Variants in ERICH5 observed in about 807,000 individuals in gnomAD.
ERICH5 encodes glutamate rich 5, also known as glutamate-rich protein 5.
ERICH5 carries 24 observed loss-of-function variants against 28.0 expected under a neutral mutation model. That is an observed-to-expected ratio of 0.86 (90% CI 0.62 to 1.21). The LOEUF (loss-of-function observed/expected upper bound fraction) is 1.21. Among genes scored for constraint, ERICH5 ranks in the 50% most tolerant of loss-of-function variants. The pLI is 0.00. For missense variants in ERICH5, 421 were observed against 441.2 expected, an observed-to-expected ratio of 0.95 and a Z score of 0.41; for synonymous variants, 163 against 157.6, an observed-to-expected ratio of 1.03 and a Z score of -0.25.
In ERICH5 at chr8:98,089,290, A is replaced by C; in HGVS notation, c.273A>C (p.Gly91=). ...EQPLAKDVAP[G]RDATDQSGST... ...CCCTGGCCAAGGACGTAGCCCCTGG[A>C]AGGGATGCCACAGACCAATCAGGGT... The change falls in exon 2 of 3, where the codon GGA becomes GGC. Residue 91 remains glycine, a synonymous_variant. Coordinates refer to ENST00000318528, the MANE Select transcript of ERICH5 (RefSeq NM_173549.3). 6.2e-7 allele frequency: 1 copy of C among 1,614,212 alleles called. No individual in the cohort carries two copies. Among genetic ancestry groups the C allele is most frequent in the Non-Finnish European group, 8.5e-7 (1 of 1,180,034 alleles).
chr8:98,075,710 T>C (rs1346545128), intron 1 of ERICH5, among the ~76,000 whole-genome samples: 2 of 151,452 alleles, frequency 1.3e-5, no homozygotes, highest in African/African-American at 2.4e-5. Flanking sequence ...ATAGGACTGC[T>C]CTGTTGTAAA....
At chr8:98,088,475 A>C (rs763256534) in intron 1 of ERICH5, among the ~76,000 whole-genome samples, 1 of 152,100 alleles carries the variant, frequency 6.6e-6, no homozygotes, top group African/African-American at 2.4e-5. Flanking sequence ...GTGCCCCCCA[A>C]ATGACATGAA....
intron 1 of ERICH5, among the ~76,000 whole-genome samples, chr8:98,077,893 A>C (rs1192645953): frequency 6.6e-6 from 1 of 152,114 alleles, no homozygotes; most frequent in Non-Finnish European, 1.5e-5. Flanking sequence ...CTATATTTAA[A>C]TTTCAACATT....
chr8:98,072,744 G>A (rs1814940764), intron 1 of ERICH5, among the ~76,000 whole-genome samples: 1 of 152,194 alleles, frequency 6.6e-6, no homozygotes, highest in Non-Finnish European at 1.5e-5. Context: ...GATAACATCT[G>A]CCTTCAGCCA....
chr8:98,078,551 G>C (rs1815102736), intron 1 of ERICH5, among the ~76,000 whole-genome samples: 1 of 152,120 alleles, frequency 6.6e-6, no homozygotes, highest in African/African-American at 2.4e-5. Context: ...TTCCGATTAG[G>C]GTAATGAACT....
chr8:98,087,622 C>G (rs1428677064), intron 1 of ERICH5, among the ~76,000 whole-genome samples: 1 of 151,836 alleles, frequency 6.6e-6, no homozygotes, highest in Admixed American at 6.6e-5. Context: ...GCCCTCCCTC[C>G]CCTCCCTGCC....
In ERICH5 at chr8:98,073,403, C is replaced by CCTCT. The variant is rs372150799; in HGVS notation, c.58+8703_58+8706dup. Among the ~76,000 whole-genome samples the CCTCT allele has an allele frequency of 1.5e-4, 4 of 26,842 alleles. 1 individual carries two copies. Among genetic ancestry groups the CCTCT allele is most frequent in the African/African-American group, 2.3e-4 (1 of 4,366 alleles). 17.6% of individuals were successfully genotyped at this position (26,842 alleles called of 152,430 possible). ...ACCAGCCTAACCAACATAGTGAGACCCTCTCTCTCTCTCTCTCTCTCTCTC... is the reference window on the plus strand; with the variant it reads ...ACCAGCCTAACCAACATAGTGAGACCCTCTCTCTCTCTCTCTCTCTCTCTCTCTC... On this transcript the variant is annotated intron_variant, in intron 1 of 2. Transcript: ENST00000318528.
At position 98,085,136 on chromosome 8, in the gene ERICH5, C is replaced by CTTTTTTTTTTTTT. The variant is rs760470751; in HGVS notation, c.59-3910_59-3898dup. On this transcript the variant is annotated intron_variant, in intron 1 of 2. Transcript: ENST00000318528. ...TTCCCTGGTGTGAACGTTCCACAGC[C>CTTTTTTTTTTTTT]TTTTTTTTTTTTTTTTTTTTTTTTT... is the stretch of plus-strand genomic sequence containing the variant. Among the ~76,000 whole-genome samples, 27 of 57,318 alleles carry CTTTTTTTTTTTTT rather than the reference C, an allele frequency of 4.7e-4. 4 individuals carry two copies. Among genetic ancestry groups the CTTTTTTTTTTTTT allele is most frequent in the East Asian group, 1.1e-3 (2 of 1,792 alleles). The allele number at this position is 57,318 out of a possible 152,430, so 37.6% of individuals were successfully genotyped here. A position where few individuals can be genotyped will look rare whatever the true frequency, so the allele number is the denominator to read the frequency against.
At chr8:98,072,162 T>C (rs1313200029) in intron 1 of ERICH5, among the ~76,000 whole-genome samples, 1 of 152,226 alleles carries the variant, frequency 6.6e-6, no homozygotes, top group East Asian at 1.9e-4. Context: ...AAGTTGTTTA[T>C]ATCAGAGTTT....
chr8:98,089,507 G>A lies in ERICH5; in HGVS notation c.490G>A (p.Ala164Thr), dbSNP rs539687893. The change falls in exon 2 of 3, where the codon GCA (alanine) becomes ACA (threonine). Residue 164 changes from alanine (A) to threonine (T), a missense_variant. Ala to Thr is a moderately conservative substitution (Grantham distance 58). Transcript: ENST00000318528. ...AGCCAAGGGTCAGCCTTTGCAGGCA[G>A]CAGTAGAGAAGGACTCTCTCAGAGC... ...PEAKGQPLQA[A>T]VEKDSLRAVE... The A allele has an allele frequency of 1.9e-6, 3 of 1,614,200 alleles. No homozygotes were observed. Among genetic ancestry groups the A allele is most frequent in the South Asian group, 2.2e-5 (2 of 91,086 alleles).
intron 1 of ERICH5, among the ~76,000 whole-genome samples, chr8:98,076,312 C>G (rs1420015131): frequency 6.6e-6 from 1 of 152,004 alleles, no homozygotes; most frequent in Admixed American, 6.6e-5. Flanking sequence ...CCTTGGCCTC[C>G]CAAAGTGCTG....
At chr8:98,080,446 T>C (rs1388612427) in intron 1 of ERICH5, among the ~76,000 whole-genome samples, 1 of 152,028 alleles carries the variant, frequency 6.6e-6, no homozygotes, top group Non-Finnish European at 1.5e-5. Flanking sequence ...AGCGCAAGAG[T>C]AAGAATAAGC....
chr8:98,089,272 CAAGGA>C lies in ERICH5; in HGVS notation c.256_260del (p.Lys86ArgfsTer61), dbSNP rs1188327533. ...AACCCCTCCAAGAACAGCCCCTGGC[CAAGGA>C]CGTAGCCCCTGGAAGGGATGCCACA... is the stretch of plus-strand genomic sequence containing the variant. On this transcript the variant is annotated frameshift_variant, in exon 2 of 3. Transcript: ENST00000318528. LOFTEE classifies it high-confidence loss of function. 6.2e-7 allele frequency: 1 copy of C among 1,614,198 alleles called. No individual in the cohort carries two copies. Among genetic ancestry groups the C allele is most frequent in the Non-Finnish European group, 8.5e-7 (1 of 1,180,026 alleles).
At chr8:98,092,797 A>G (rs182312711) in intron 2 of ERICH5, among the ~76,000 whole-genome samples, 60 of 144,048 alleles carry the variant, frequency 4.2e-4, no homozygotes, top group African/African-American at 1.5e-3. Context: ...TTTTTTTGAG[A>G]CAGAGTCTCG....
intron 1 of ERICH5, among the ~76,000 whole-genome samples, chr8:98,077,285 G>C (rs1815074378): frequency 6.6e-6 from 1 of 152,122 alleles, no homozygotes; most frequent in Admixed American, 6.5e-5. Flanking sequence ...ATTTGGGTTG[G>C]TGAAGTGTCA....
At chr8:98,077,137 A>G (rs1815071010) in intron 1 of ERICH5, among the ~76,000 whole-genome samples, 2 of 152,236 alleles carry the variant, frequency 1.3e-5, no homozygotes, top group South Asian at 2.1e-4. Context: ...CCTCAACTAT[A>G]TAATGGGGAT....
At chr8:98,091,632 G>A (rs965837776) in intron 2 of ERICH5, among the ~76,000 whole-genome samples, 44 of 152,202 alleles carry the variant, frequency 2.9e-4, no homozygotes, top group Non-Finnish European at 4.7e-4. Context: ...TGGAACTAGG[G>A]CCAATGTTGC....
At chr8:98,090,895 CATCT>C (rs1373073907) in intron 2 of ERICH5, among the ~76,000 whole-genome samples, 2 of 151,872 alleles carry the variant, frequency 1.3e-5, no homozygotes, top group Non-Finnish European at 2.9e-5. Flanking sequence ...TATAATCATC[CATCT>C]GTTTTTGTTT....
At chr8:98,070,660 C>CAAAAAAAAA (rs769042472) in intron 1 of ERICH5, among the ~76,000 whole-genome samples, 64 of 38,716 alleles carry the variant, frequency 1.7e-3, no homozygotes, top group Middle Eastern at 0.042. Flanking sequence ...AACTGCATCT[C>CAAAAAAAAA]AAAAAAAAAA....
Sources: gnomAD v4.1 joint callset for allele counts (sites outside exome capture counted in the v4.1 genomes callset) on GRCh38, gnomAD v4.1.1 for gene constraint, MANE v1.5 for transcripts, NCBI Gene and HGNC (gene_info 2026-07-23, HGNC 2026-07-21) for gene names.